CCDC178: variants seen among roughly 807,000 people sequenced by gnomAD.
CCDC178 encodes coiled-coil domain containing 178.
Under a neutral mutation model 117.4 loss-of-function variants are expected in CCDC178, and 126 were observed. The observed-to-expected ratio is 1.07, with a 90% CI of 0.93 to 1.24. CCDC178 has a LOEUF of 1.24. CCDC178 is among the 50% of genes most tolerant of loss of function. The pLI is 0.00. For synonymous variants in CCDC178, 283 were observed against 313.4 expected (o/e 0.90, Z 1.02); for missense variants, 1,030 against 986.9 (o/e 1.04, Z -0.59).
intron 12 of CCDC178, among the ~76,000 whole-genome samples, chr18:33,279,725 A>C (rs1430595766): frequency 6.6e-6 from 1 of 152,214 alleles, no homozygotes; most frequent in East Asian, 1.9e-4. Context: ...CAGTAACCAA[A>C]ACAGCATGGT....
chr18:33,091,814 GCT>G (rs1055477931), intron 21 of CCDC178, among the ~76,000 whole-genome samples: 6 of 151,988 alleles, frequency 3.9e-5, no homozygotes, highest in African/African-American at 1.2e-4. Flanking sequence ...ATTATGAATG[GCT>G]CTTTTTTATT....
chr18:33,099,701 C>A (rs558931998), intron 20 of CCDC178, among the ~76,000 whole-genome samples: 1 of 151,950 alleles, frequency 6.6e-6, no homozygotes, highest in Non-Finnish European at 1.5e-5. Flanking sequence ...AATCTATACA[C>A]CAATTACTAC....
chr18:33,181,032 T>C (rs567041501), intron 20 of CCDC178, among the ~76,000 whole-genome samples: 1 of 152,142 alleles, frequency 6.6e-6, no homozygotes, highest in South Asian at 2.1e-4. Flanking sequence ...TTAGACCTAG[T>C]TCAGCGAATT....
chr18:32,955,921 A>G lies in CCDC178; in HGVS notation c.2524-17830T>C, dbSNP rs1170256426. Reference sequence around the variant, plus strand: ...TATTCTGTTTTCTCATAAAAGGCTTATATTACTGTTTTCCTCCAAGTGTCT... The same window carrying G: ...TATTCTGTTTTCTCATAAAAGGCTTGTATTACTGTTTTCCTCCAAGTGTCT... On this transcript the variant is annotated intron_variant, in intron 22 of 22. Transcript: ENST00000383096. 2.0e-5 allele frequency among the ~76,000 whole-genome samples: 3 copies of G among 152,166 alleles called. No individual in the cohort carries two copies. In the East Asian group the frequency reaches 5.8e-4, roughly 29 times the overall value.
At chr18:33,365,408 C>T (rs961861684) in intron 6 of CCDC178, among the ~76,000 whole-genome samples, 2 of 152,014 alleles carry the variant, frequency 1.3e-5, no homozygotes, top group Non-Finnish European at 2.9e-5. Context: ...GCTTAGAGCT[C>T]GGATACACCT....
At chr18:33,435,435 A>G (rs940502086) in intron 2 of CCDC178, among the ~76,000 whole-genome samples, 3 of 152,086 alleles carry the variant, frequency 2.0e-5, no homozygotes, top group Non-Finnish European at 2.9e-5. Flanking sequence ...TCTAAATTGT[A>G]TGTTAATTTG....
At chr18:33,440,405 G>T (rs1410393317) in intron 1 of CCDC178, 1 of 149,836 alleles carries the variant, frequency 6.7e-6, no homozygotes, top group East Asian at 2.0e-4. Flanking sequence ...ACGACTGGGG[G>T]ACTGGGGAAT....
chr18:33,402,435 G>C (rs1018870188), intron 3 of CCDC178, among the ~76,000 whole-genome samples: 1 of 152,164 alleles, frequency 6.6e-6, no homozygotes, highest in Non-Finnish European at 1.5e-5. Flanking sequence ...CCACATTTAC[G>C]ATATCGGAGG....
rs571196565 is a variant in CCDC178, at chr18:33,228,228, A to C, written c.1594-1373T>G. On this transcript the variant is annotated intron_variant, in intron 15 of 22. Transcript: ENST00000383096. Reference sequence around the variant, plus strand: ...ATAAAATTAGTGAAGAATGGTAAGCAAAGTGTGTGTTTTAGATCACTCTGG... The same window carrying C: ...ATAAAATTAGTGAAGAATGGTAAGCCAAGTGTGTGTTTTAGATCACTCTGG... Among the ~76,000 whole-genome samples the C allele has an allele frequency of 9.8e-5, 15 of 152,342 alleles. No homozygotes were observed. In the South Asian group the frequency reaches 3.1e-3, roughly 32 times the overall value.
intron 20 of CCDC178, 116 bp from the exon 21 acceptor site, chr18:33,093,026 T>C (rs1326851954): frequency 5.5e-6 from 3 of 547,696 alleles, no homozygotes; most frequent in Non-Finnish European, 8.8e-6. Flanking sequence ...TGCTCTATTA[T>C]GTATAGTAGA....
Position 33,263,767 on chromosome 18 carries a change from A to G in CCDC178, c.1409+3149T>C, listed in dbSNP as rs192535945. Among the ~76,000 whole-genome samples the G allele has an allele frequency of 4.3e-4, 66 of 152,290 alleles. No homozygotes were observed. In the East Asian group the frequency reaches 0.012, roughly 27 times the overall value. On this transcript the variant is annotated intron_variant, in intron 14 of 22. Transcript: ENST00000383096. ...TAAATATGGCGTAGGAAACAAAATC[A>G]TAGTCTAGAGCATATCCAAGGACAC...
intron 21 of CCDC178, among the ~76,000 whole-genome samples, chr18:33,030,833 G>A (rs1189335272): frequency 6.6e-6 from 1 of 152,112 alleles, no homozygotes; most frequent in Non-Finnish European, 1.5e-5. Context: ...ATTTAATAGG[G>A]AATTGGCTCA....
chr18:33,068,562 C>T (rs776568277), intron 21 of CCDC178, among the ~76,000 whole-genome samples: 1 of 151,176 alleles, frequency 6.6e-6, no homozygotes, highest in East Asian at 1.9e-4. Flanking sequence ...GAATGAAGGA[C>T]AAAAACCATA....
At chr18:33,380,720 G>A (rs1228390145) in intron 5 of CCDC178, among the ~76,000 whole-genome samples, 2 of 152,108 alleles carry the variant, frequency 1.3e-5, no homozygotes, top group Non-Finnish European at 2.9e-5. Flanking sequence ...TTCACATTCT[G>A]GTGGATTCTC....
At position 32,940,382 on chromosome 18, in the gene CCDC178, T is replaced by G. The variant is rs555798237; in HGVS notation, c.2524-2291A>C. Among the ~76,000 whole-genome samples, 503 of 152,172 alleles carry G rather than the reference T, an allele frequency of 3.3e-3. 4 individuals carry two copies. The highest frequency in any genetic ancestry group is 5.6e-3 in the Non-Finnish European group (382 of 67,974). On this transcript the variant is annotated intron_variant, in intron 22 of 22. Coordinates refer to ENST00000383096, the MANE Select transcript of CCDC178 (RefSeq NM_001105528.4). ...CTTGCAAACTTCGTAATGCAGATAT[T>G]AGATCTCATAATATAATTTACTGAT... is the stretch of plus-strand genomic sequence containing the variant.
At chr18:33,252,271 G>T (rs2059626080) in intron 14 of CCDC178, among the ~76,000 whole-genome samples, 1 of 151,674 alleles carries the variant, frequency 6.6e-6, no homozygotes, top group South Asian at 2.1e-4. Context: ...TTCTTGCATG[G>T]ACTGTATCAC....
At chr18:33,274,708 G>C (rs1332494922) in intron 12 of CCDC178, among the ~76,000 whole-genome samples, 1 of 151,878 alleles carries the variant, frequency 6.6e-6, no homozygotes, top group Non-Finnish European at 1.5e-5. Flanking sequence ...ATCTCCAGAA[G>C]TAGGTTTACA....
At chr18:33,073,705 G>T (rs932902912) in intron 21 of CCDC178, among the ~76,000 whole-genome samples, 6 of 152,080 alleles carry the variant, frequency 3.9e-5, no homozygotes, top group Non-Finnish European at 8.8e-5. Flanking sequence ...CACTTCTCTA[G>T]GTGCTAGAAT....
chr18:33,311,224 G>A (rs563257433), intron 11 of CCDC178, among the ~76,000 whole-genome samples: 2 of 152,312 alleles, frequency 1.3e-5, no homozygotes, highest in African/African-American at 2.4e-5. Flanking sequence ...AGACTTGGGA[G>A]GAAGTGGGAC....
Sources: gnomAD v4.1 joint callset for allele counts (sites outside exome capture counted in the v4.1 genomes callset) on GRCh38, gnomAD v4.1.1 for gene constraint, MANE v1.5 for transcripts, NCBI Gene and HGNC (gene_info 2026-07-23, HGNC 2026-07-21) for gene names.